Variants in DOK6 observed in about 807,000 individuals in gnomAD.
DOK6 encodes docking protein 6.
Under a neutral mutation model 44.0 loss-of-function variants are expected in DOK6, and 22 were observed. The observed-to-expected ratio is 0.50, with a 90% CI of 0.36 to 0.71. DOK6 has a LOEUF of 0.71. DOK6 is among the 30% of genes least tolerant of loss of function. The pLI, the probability that DOK6 is intolerant of heterozygous loss-of-function variation, is 0.00. For synonymous variants in DOK6, 166 were observed against 145.5 expected (o/e 1.14, Z -1.01); for missense variants, 340 against 416.4 (o/e 0.82, Z 1.60).
intron 3 of DOK6, among the ~76,000 whole-genome samples, chr18:69,654,564 C>T (rs1985314075): frequency 6.6e-6 from 1 of 152,168 alleles, no homozygotes; most frequent in East Asian, 1.9e-4. Flanking sequence ...AAGGCTGACA[C>T]ATCTCTCTCA....
At chr18:69,559,604 A>G (rs1713787107) in intron 1 of DOK6, among the ~76,000 whole-genome samples, 1 of 152,190 alleles carries the variant, frequency 6.6e-6, no homozygotes, top group Non-Finnish European at 1.5e-5. Context: ...TACCACAACC[A>G]GCACTATCCT....
At chr18:69,426,566 A>G (rs1345418614) in intron 1 of DOK6, among the ~76,000 whole-genome samples, 3 of 152,186 alleles carry the variant, frequency 2.0e-5, no homozygotes, top group East Asian at 3.8e-4. Context: ...ATTACTAAAC[A>G]TTGTAGATCA....
chr18:69,844,651 G>A lies in DOK6; in HGVS notation c.*3268G>A, dbSNP rs921683221. The A allele has an allele frequency of 1.2e-4, 19 of 152,100 alleles. No homozygotes were observed. Among genetic ancestry groups the A allele is most frequent in the Non-Finnish European group, 1.5e-4 (10 of 68,034 alleles). The allele number at this position is 152,100 out of a possible 1,614,324, so 9.4% of individuals were successfully genotyped here. On this transcript the variant is annotated 3_prime_UTR_variant, in exon 8 of 8. Transcript: ENST00000382713. ...AAGCACTCAGAACTAATTTATTTATGCAGGTTGCAAATATGTATGAAGCAA... is the reference window on the plus strand; with the variant it reads ...AAGCACTCAGAACTAATTTATTTATACAGGTTGCAAATATGTATGAAGCAA...
chr18:69,558,022 C>T (rs1982731537), intron 1 of DOK6, among the ~76,000 whole-genome samples: 1 of 152,094 alleles, frequency 6.6e-6, no homozygotes. Context: ...GCATTTCATT[C>T]ATGTGGTGCT....
intron 2 of DOK6, among the ~76,000 whole-genome samples, chr18:69,583,668 G>A (rs2144611506): frequency 6.6e-6 from 1 of 150,460 alleles, no homozygotes; most frequent in East Asian, 1.9e-4. Context: ...TGTAATCCCA[G>A]CCCTGTAAGA....
intron 1 of DOK6, among the ~76,000 whole-genome samples, chr18:69,499,736 T>G (rs1157807611): frequency 6.6e-6 from 1 of 152,210 alleles, no homozygotes; most frequent in Non-Finnish European, 1.5e-5. Context: ...GCGCTCAGAC[T>G]TAACAAGTTC....
intron 1 of DOK6, among the ~76,000 whole-genome samples, chr18:69,504,956 T>C (rs1270242495): frequency 6.6e-6 from 1 of 152,176 alleles, no homozygotes; most frequent in Non-Finnish European, 1.5e-5. Flanking sequence ...TCCGTTCTTC[T>C]CCTTCTTTAC....
In DOK6 at chr18:69,825,354, A is replaced by G. The variant is rs556630699; in HGVS notation, c.857-15890A>G. The stretch of plus-strand genomic sequence containing the variant: ...GAGAGCACAGAGTGAATTTAGGAAC[A>G]TTAGCCAACCCATTGTCACCAATGT... On this transcript the variant is annotated intron_variant, in intron 7 of 7. Transcript: ENST00000382713. Among the ~76,000 whole-genome samples the G allele has an allele frequency of 8.9e-4, 135 of 152,092 alleles. 1 individual carries two copies. The highest frequency in any genetic ancestry group is 3.1e-3 in the African/African-American group (130 of 41,510).
At chr18:69,613,782 GA>G (rs1984218769) in intron 3 of DOK6, among the ~76,000 whole-genome samples, 1 of 151,694 alleles carries the variant, frequency 6.6e-6, no homozygotes, top group Non-Finnish European at 1.5e-5. Flanking sequence ...ATAATTACAT[GA>G]AGCATTGAAT....
intron 2 of DOK6, among the ~76,000 whole-genome samples, chr18:69,587,770 AACACAC>A (rs138552349): frequency 7.4e-5 from 11 of 149,056 alleles, no homozygotes; most frequent in African/African-American, 2.2e-4. Flanking sequence ...TGTAAATTTA[AACACAC>A]ACACACACAC....
intron 1 of DOK6, among the ~76,000 whole-genome samples, chr18:69,498,272 C>A (rs1980950322): frequency 6.6e-6 from 1 of 151,720 alleles, no homozygotes; most frequent in Non-Finnish European, 1.5e-5. Context: ...AGTATAATAA[C>A]AAGTTTGTAA....
At chr18:69,608,579 G>A (rs2144628667) in intron 3 of DOK6, among the ~76,000 whole-genome samples, 1 of 152,178 alleles carries the variant, frequency 6.6e-6, no homozygotes, top group South Asian at 2.1e-4. Flanking sequence ...TGAATCTGTG[G>A]ATTGTTTTGG....
intron 7 of DOK6, among the ~76,000 whole-genome samples, chr18:69,815,634 T>A (rs1318872750): frequency 1.3e-5 from 2 of 152,128 alleles, no homozygotes; most frequent in Non-Finnish European, 2.9e-5. Context: ...ACCACCTAAT[T>A]CTTCATTCCA....
chr18:69,638,815 T>C (rs1911014157), intron 3 of DOK6, among the ~76,000 whole-genome samples: 1 of 152,228 alleles, frequency 6.6e-6, no homozygotes, highest in South Asian at 2.1e-4. Context: ...ACACTGTATA[T>C]AATATACTTG....
At position 69,403,329 on chromosome 18, in the gene DOK6, C is replaced by T. The variant is rs114759620; in HGVS notation, c.66+2019C>T. Among the ~76,000 whole-genome samples, 1,346 of 152,192 alleles carry T rather than the reference C, an allele frequency of 8.8e-3. 26 individuals are homozygous for T. Among genetic ancestry groups the T allele is most frequent in the African/African-American group, 0.031 (1,275 of 41,528 alleles). ...ATGTAACCCAATTATAACATAGGGC[C>T]CAAGGAAAGTGCATTGATTGCTTCT... On this transcript the variant is annotated intron_variant, in intron 1 of 7. Transcript: ENST00000382713.
intron 1 of DOK6, 27 bp downstream of exon 1, chr18:69,401,337 TC>T: frequency 6.8e-7 from 1 of 1,477,902 alleles, no homozygotes; most frequent in Admixed American, 2.3e-5. Flanking sequence ...GCTTGCTCCT[TC>T]CCCGGCGCTC....
intron 6 of DOK6, among the ~76,000 whole-genome samples, chr18:69,757,078 A>G (rs1440026108): frequency 6.6e-6 from 1 of 152,240 alleles, no homozygotes; most frequent in African/African-American, 2.4e-5. Context: ...AGCACGTGAT[A>G]TTGTGTGAAT....
At chr18:69,651,165 T>TA (rs1395343304) in intron 3 of DOK6, among the ~76,000 whole-genome samples, 1 of 152,064 alleles carries the variant, frequency 6.6e-6, no homozygotes, top group African/African-American at 2.4e-5. Flanking sequence ...GTGCCCGTCC[T>TA]CCCCACTTGA....
At chr18:69,533,215 C>T (rs770317215) in intron 1 of DOK6, among the ~76,000 whole-genome samples, 128 of 151,848 alleles carry the variant, frequency 8.4e-4, no homozygotes, top group Non-Finnish European at 2.4e-4. Context: ...AAATCATAAA[C>T]TACATATGTT....
Sources: gnomAD v4.1 joint callset for allele counts (sites outside exome capture counted in the v4.1 genomes callset) on GRCh38, gnomAD v4.1.1 for gene constraint, MANE v1.5 for transcripts, NCBI Gene and HGNC (gene_info 2026-07-23, HGNC 2026-07-21) for gene names.